SH3GLB2: variants seen among roughly 807,000 people sequenced by gnomAD.
SH3GLB2 encodes the protein SH3 domain containing GRB2 like, endophilin B2, also known as endophilin-B2.
A neutral mutation model predicts 48.0 loss-of-function variants in SH3GLB2; 24 were observed. The observed-to-expected ratio is 0.50, with a 90% CI of 0.36 to 0.70. The LOEUF (loss-of-function observed/expected upper bound fraction) is 0.70. SH3GLB2 is among the 30% of genes least tolerant of loss of function. The probability of loss-of-function intolerance (pLI) is 0.00; values close to 1 mark genes in which losing one functional copy is unlikely to be tolerated. For missense variants in SH3GLB2, 425 were observed against 516.0 expected, an observed-to-expected ratio of 0.82 and a Z score of 1.71; for synonymous variants, 227 against 207.6, an observed-to-expected ratio of 1.09 and a Z score of -0.80.
intron 3 of SH3GLB2, among the ~76,000 whole-genome samples, chr9:129,016,064 C>T (rs1275884489): frequency 2.6e-5 from 4 of 151,822 alleles, no homozygotes; most frequent in South Asian, 2.1e-4. Context: ...AAGGCAAGGC[C>T]GGGCGCAGTG....
At position 129,007,948 on chromosome 9, in the gene SH3GLB2, T is replaced by TG. The variant is rs1157192484; in HGVS notation, c.*735dup. 2 of 152,224 alleles carry TG rather than the reference T, an allele frequency of 1.3e-5. No individual in the cohort carries two copies. The highest frequency in any genetic ancestry group is 2.9e-5 in the Non-Finnish European group (2 of 68,050). The allele number at this position is 152,224 out of a possible 1,614,324, so 9.4% of individuals were successfully genotyped here. On this transcript the variant is annotated 3_prime_UTR_variant, in exon 11 of 11. Transcript: ENST00000372564. Reference sequence around the variant, plus strand: ...GGGGCCGGGGCAGCCACAGGGCCCCTGCTCACTCTGTGGAAGAGTGGGGCA... The same window carrying TG: ...GGGGCCGGGGCAGCCACAGGGCCCCTGGCTCACTCTGTGGAAGAGTGGGGCA...
At chr9:129,015,533 C>A (rs1225650883) in intron 3 of SH3GLB2, among the ~76,000 whole-genome samples, 1 of 151,960 alleles carries the variant, frequency 6.6e-6, no homozygotes, top group Non-Finnish European at 1.5e-5. Flanking sequence ...CCCAGCTGTT[C>A]AAGACCAGCC....
At chr9:129,010,081 T>C (rs1843022430) in intron 8 of SH3GLB2, 39 bp downstream of exon 8, 1 of 1,587,192 alleles carries the variant, frequency 6.3e-7, no homozygotes, top group Admixed American at 1.7e-5. Flanking sequence ...TGGTGCCTGC[T>C]GAGGGTTAGG....
chr9:129,009,008 G>A, intron 10 of SH3GLB2, 98 bp downstream of exon 10: 2 of 1,557,426 alleles, frequency 1.3e-6, no homozygotes, highest in Non-Finnish European at 1.7e-6. Context: ...TCCCCACTTT[G>A]CCAACAGGGC....
rs1362009090 is a variant in SH3GLB2, at chr9:129,028,189, C to A, written c.-35G>T. ...GCACGGCCGCCGCGCACGGCCCGAG[C>A]GCAGCCGGCAGCCCCCGGCCCAGCC... On this transcript the variant is annotated 5_prime_UTR_variant, in exon 1 of 11. Transcript: ENST00000372564. 1 of 1,318,958 alleles carries A rather than the reference C, an allele frequency of 7.6e-7. No individual in the cohort carries two copies. The allele number at this position is 1,318,958 out of a possible 1,614,324, so 81.7% of individuals were successfully genotyped here. A position where few individuals can be genotyped will look rare whatever the true frequency, so the allele number is the denominator to read the frequency against.
At chr9:129,024,598 C>T (rs1274376847) in intron 1 of SH3GLB2, among the ~76,000 whole-genome samples, 1 of 151,706 alleles carries the variant, frequency 6.6e-6, no homozygotes, top group Non-Finnish European at 1.5e-5. Flanking sequence ...TGGCACCCAC[C>T]TGTAGTCCCA....
chr9:129,020,570 C>CAA (rs1191047749), intron 3 of SH3GLB2, among the ~76,000 whole-genome samples: 3 of 96,192 alleles, frequency 3.1e-5, no homozygotes, highest in African/African-American at 4.1e-5. Flanking sequence ...AACTGTGTCT[C>CAA]AAAAAAAAAA....
In SH3GLB2 at chr9:129,007,578, G is replaced by T. The variant is rs763314987; in HGVS notation, c.*1106C>A. On this transcript the variant is annotated 3_prime_UTR_variant, in exon 11 of 11. Coordinates refer to ENST00000372564, the MANE Select transcript of SH3GLB2 (RefSeq NM_020145.4). Reference sequence around the variant, plus strand: ...TCAGGCTGCCTGGGCTTCAGTCCCTGCTTGGCCACTTGCCAACTGTGGTCC... The same window carrying T: ...TCAGGCTGCCTGGGCTTCAGTCCCTTCTTGGCCACTTGCCAACTGTGGTCC... The T allele has an allele frequency of 3.9e-5, 6 of 152,212 alleles. No homozygotes were observed. Among genetic ancestry groups the T allele is most frequent in the Non-Finnish European group, 7.3e-5 (5 of 68,074 alleles). The allele number at this position is 152,212 out of a possible 1,614,324, so 9.4% of individuals were successfully genotyped here. A position where few individuals can be genotyped will look rare whatever the true frequency, so the allele number is the denominator to read the frequency against.
chr9:129,020,570 CAA>C (rs1191047749), intron 3 of SH3GLB2, among the ~76,000 whole-genome samples: 2 of 96,148 alleles, frequency 2.1e-5, no homozygotes, highest in Non-Finnish European at 2.1e-5. Flanking sequence ...AACTGTGTCT[CAA>C]AAAAAAAAAA....
At chr9:129,019,946 G>C (rs886768887) in intron 3 of SH3GLB2, among the ~76,000 whole-genome samples, 1 of 151,726 alleles carries the variant, frequency 6.6e-6, no homozygotes, top group African/African-American at 2.4e-5. Context: ...GCTCATGCCC[G>C]TAATCCCAGC....
At chr9:129,023,117 C>T (rs1219889995) in intron 1 of SH3GLB2, among the ~76,000 whole-genome samples, 2 of 152,142 alleles carry the variant, frequency 1.3e-5, no homozygotes, top group Non-Finnish European at 2.9e-5. Flanking sequence ...GCTGCTGCCC[C>T]ACGTAAGGCA....
chr9:129,027,107 C>T (rs1038928105), intron 1 of SH3GLB2, among the ~76,000 whole-genome samples: 1 of 152,164 alleles, frequency 6.6e-6, no homozygotes, highest in Non-Finnish European at 1.5e-5. Context: ...CCCGGGCCTG[C>T]GGAATCCCAC....
chr9:129,015,798 G>A (rs1304628926), intron 3 of SH3GLB2: 1 of 306,648 alleles, frequency 3.3e-6, no homozygotes, highest in Non-Finnish European at 6.9e-6. Flanking sequence ...CCAGGAGTTT[G>A]AGGCTATAGT....
chr9:129,010,531 G>A (rs1843052050), intron 7 of SH3GLB2, 139 bp downstream of exon 7: 9 of 959,832 alleles, frequency 9.4e-6, no homozygotes, highest in Non-Finnish European at 1.5e-5. Context: ...GGAAACTGAG[G>A]CCCAGGGAGG....
chr9:129,013,939 G>C, intron 5 of SH3GLB2: 1 of 445,414 alleles, frequency 2.2e-6, no homozygotes, highest in South Asian at 1.6e-5. Context: ...CAATCTCATG[G>C]GACCCCTCGG....
In SH3GLB2 at chr9:129,011,108, G is replaced by C. The variant is rs1843095237; in HGVS notation, c.625-415C>G. 5.1e-6 allele frequency: 1 copy of C among 197,252 alleles called. No homozygotes were observed. The highest frequency in any genetic ancestry group is 1.0e-5 in the Non-Finnish European group (1 of 97,758). 12.2% of individuals were successfully genotyped at this position (197,252 alleles called of 1,614,324 possible). A position where few individuals can be genotyped will look rare whatever the true frequency, so the allele number is the denominator to read the frequency against. Reference sequence around the variant, plus strand: ...GGCAGAGAAAGGTGGCCTCGTGCTTGAGTCACACTGGGACTCAATGGCAAA... The same window carrying C: ...GGCAGAGAAAGGTGGCCTCGTGCTTCAGTCACACTGGGACTCAATGGCAAA... On this transcript the variant is annotated intron_variant, in intron 6 of 10. Coordinates refer to ENST00000372564, the MANE Select transcript of SH3GLB2 (RefSeq NM_020145.4). The surrounding 1 kb of genome is among the most constrained non-coding windows in gnomAD (Gnocchi z 4.5).
chr9:129,023,699 G>C (rs1208880276), intron 1 of SH3GLB2, among the ~76,000 whole-genome samples: 3 of 151,808 alleles, frequency 2.0e-5, no homozygotes, highest in Non-Finnish European at 2.9e-5. Flanking sequence ...CGGGCTGGGC[G>C]GCCACCAGGA....
At chr9:129,016,342 T>TAAAAA (rs57505648) in intron 3 of SH3GLB2, among the ~76,000 whole-genome samples, 6 of 34,098 alleles carry the variant, frequency 1.8e-4, no homozygotes, top group South Asian at 1.1e-3. Flanking sequence ...AGACTGTCTT[T>TAAAAA]AAAAAAAAAA....
chr9:129,010,078 T>C, intron 8 of SH3GLB2, 42 bp downstream of exon 8: 1 of 1,583,422 alleles, frequency 6.3e-7, no homozygotes, highest in Non-Finnish European at 8.7e-7. Context: ...ACCTGGTGCC[T>C]GCTGAGGGTT....
Sources: allele counts gnomAD v4.1 joint callset (sites outside exome capture counted in the v4.1 genomes callset), GRCh38; gene constraint gnomAD v4.1.1; non-coding constraint Gnocchi (gnomAD v3.1); transcripts MANE v1.5; gene names NCBI Gene and HGNC (gene_info 2026-07-23, HGNC 2026-07-21).